Variants in AVEN observed in about 807,000 individuals in gnomAD.
The protein encoded by AVEN is cell death regulator Aven.
In AVEN, 41 loss-of-function variants were observed where a neutral mutation model predicts 38.1. The observed-to-expected ratio is 1.08, with a 90% confidence interval of 0.84 to 1.40. AVEN has a LOEUF of 1.40. AVEN is among the 40% of genes most tolerant of loss of function. The pLI is 0.00. For synonymous variants in AVEN, 206 were observed against 171.8 expected, an observed-to-expected ratio of 1.20 and a Z score of -1.56; for missense variants, 605 against 438.8, an observed-to-expected ratio of 1.38 and a Z score of -3.38.
downstream of AVEN, chr15:33,857,801 C>T: frequency 1.2e-6 from 2 of 1,614,104 alleles, no homozygotes; most frequent in Non-Finnish European, 1.7e-6. Context: ...TGTCGGTCTC[C>T]TGGCCGTGGT....
chr15:34,063,936 T>A lies in AVEN; in HGVS notation n.1127-504A>T, dbSNP rs1900438047. ...CAAGGTGAAAATCATGCCCTGCCCC[T>A]TCCCAGTGGCCAAGGAACCTTCAAC... On this transcript the variant is annotated intron_variant and non_coding_transcript_variant, in intron 4 of 11. Coordinates refer to the AVEN transcript ENST00000675287. The surrounding 1 kb of genome is among the most constrained non-coding windows in gnomAD (Gnocchi z 4.1). The A allele has an allele frequency of 1.2e-6, 2 of 1,614,118 alleles. No homozygotes were observed. The highest frequency in any genetic ancestry group is 1.7e-6 in the Non-Finnish European group (2 of 1,180,024).
downstream of AVEN, chr15:33,856,112 G>A (rs558443010): frequency 1.3e-5 from 2 of 152,306 alleles, no homozygotes; most frequent in South Asian, 2.1e-4. Flanking sequence ...GCAGCTAAAT[G>A]TCTCACCCAA....
At chr15:34,030,553 A>G (rs961733242) in intron 1 of AVEN, among the ~76,000 whole-genome samples, 45 of 151,876 alleles carry the variant, frequency 3.0e-4, no homozygotes, top group Admixed American at 3.9e-4. Context: ...TCATTGTGTT[A>G]GGCTGACCTT....
intron 2 of AVEN, among the ~76,000 whole-genome samples, chr15:33,955,111 T>TA (rs1338097160): frequency 2.6e-5 from 4 of 152,208 alleles, no homozygotes; most frequent in Non-Finnish European, 5.9e-5. Context: ...TTAATTTTTT[T>TA]AAAATGTAAT....
intron 3 of AVEN, among the ~76,000 whole-genome samples, chr15:33,872,017 G>A (rs1489896668): frequency 6.6e-6 from 1 of 152,212 alleles, no homozygotes; most frequent in African/African-American, 2.4e-5. Context: ...TCCCATGTCA[G>A]CCTGGTCAAC....
chr15:34,037,092 A>G (rs1245539992), intron 1 of AVEN, among the ~76,000 whole-genome samples: 1 of 148,568 alleles, frequency 6.7e-6, no homozygotes, highest in Admixed American at 6.6e-5. Flanking sequence ...CTGGGCAACA[A>G]GAGTAAAACT....
intron 2 of AVEN, among the ~76,000 whole-genome samples, chr15:33,886,054 T>G (rs898708443): frequency 1.3e-5 from 2 of 152,174 alleles, no homozygotes; most frequent in Non-Finnish European, 2.9e-5. Flanking sequence ...AGAACTGATC[T>G]GTAGTATAGT....
At chr15:33,916,500 A>G (rs1893143263) in intron 2 of AVEN, among the ~76,000 whole-genome samples, 2 of 152,196 alleles carry the variant, frequency 1.3e-5, no homozygotes, top group African/African-American at 4.8e-5. Context: ...GAAAAAAAAC[A>G]AAGAATCCCA....
Position 34,004,339 on chromosome 15 carries a change from A to T in AVEN, c.268-1130T>A, listed in dbSNP as rs534658938. Among the ~76,000 whole-genome samples the T allele has an allele frequency of 2.6e-5, 4 of 152,352 alleles. No individual in the cohort carries two copies. In the South Asian group the frequency reaches 8.3e-4, roughly 32 times the overall value. On this transcript the variant is annotated intron_variant, in intron 1 of 5. Transcript: ENST00000306730. Reference sequence around the variant, plus strand: ...TGCACAATGTGAACAATTCTAGAAGATAAGGAACCCAGTTTCTTCAATAAA... The same window carrying T: ...TGCACAATGTGAACAATTCTAGAAGTTAAGGAACCCAGTTTCTTCAATAAA...
In AVEN at chr15:33,938,820, C is replaced by G. The variant is rs144647324; in HGVS notation, c.446-62825G>C. Among the ~76,000 whole-genome samples the G allele has an allele frequency of 4.5e-3, 683 of 152,214 alleles. 6 individuals carry two copies. The highest frequency in any genetic ancestry group is 0.016 in the African/African-American group (658 of 41,550). On this transcript the variant is annotated intron_variant, in intron 2 of 5. Transcript: ENST00000306730. ...ACCAAACCGACAGGATCAGATACAC[C>G]TATTTCTTTCTTCCTTTTTTTTTGT...
chr15:34,007,063 G>A (rs972301609), intron 1 of AVEN: 7 of 984,406 alleles, frequency 7.1e-6, no homozygotes, highest in Non-Finnish European at 8.4e-6. Flanking sequence ...ATCGGTCACT[G>A]GTTGCATTGT....
intron 2 of AVEN, among the ~76,000 whole-genome samples, chr15:33,900,497 A>G (rs1892447676): frequency 6.6e-6 from 1 of 151,956 alleles, no homozygotes; most frequent in Non-Finnish European, 1.5e-5. Context: ...TTGTAGAGAC[A>G]TGGTTTTGCC....
In AVEN at chr15:33,994,999, C is replaced by T. The variant is rs1294755568; in HGVS notation, c.445+8033G>A. 2.0e-5 allele frequency among the ~76,000 whole-genome samples: 3 copies of T among 152,154 alleles called. No individual in the cohort carries two copies. In the East Asian group the frequency reaches 5.8e-4, roughly 29 times the overall value. On this transcript the variant is annotated intron_variant, in intron 2 of 5. Coordinates refer to ENST00000306730, the MANE Select transcript of AVEN (RefSeq NM_020371.3). ...AATACTGGCCAGGCACAGTGGCTCA[C>T]ACCTGTAATCTCAGCACTTTGGGAG...
chr15:33,941,341 A>T (rs1894312900), intron 2 of AVEN, among the ~76,000 whole-genome samples: 1 of 152,212 alleles, frequency 6.6e-6, no homozygotes, highest in African/African-American at 2.4e-5. Flanking sequence ...CATTCAAAGA[A>T]TCATTTATCT....
upstream of AVEN, among the ~76,000 whole-genome samples, chr15:34,043,029 C>T (rs8040776): frequency 2.6e-5 from 4 of 151,386 alleles, no homozygotes; most frequent in African/African-American, 9.7e-5. Context: ...GGGTGGATCA[C>T]GAGGTCAGGA....
intron 2 of AVEN, among the ~76,000 whole-genome samples, chr15:33,979,611 T>C (rs1317084587): frequency 6.6e-6 from 1 of 152,244 alleles, no homozygotes; most frequent in African/African-American, 2.4e-5. Flanking sequence ...TGAGCCTCGG[T>C]TTCCTCCTTT....
intron 1 of AVEN, among the ~76,000 whole-genome samples, chr15:34,010,114 T>C (rs959218967): frequency 3.3e-5 from 5 of 152,188 alleles, no homozygotes; most frequent in African/African-American, 1.2e-4. Flanking sequence ...CCCCTACCTT[T>C]AATATGGATT....
chr15:34,057,818 C>G (rs1333630246), intron 5 of AVEN, among the ~76,000 whole-genome samples: 3 of 152,170 alleles, frequency 2.0e-5, no homozygotes, highest in South Asian at 4.1e-4. Flanking sequence ...TAATGTCATA[C>G]AGCAAGTAAT....
intron 2 of AVEN, among the ~76,000 whole-genome samples, chr15:33,882,561 T>TTA (rs1891533866): frequency 6.7e-6 from 1 of 149,118 alleles, no homozygotes; most frequent in Non-Finnish European, 1.5e-5. Context: ...GCAAAAATGT[T>TTA]AAAAAAAAAA....
Sources: allele counts gnomAD v4.1 joint callset (sites outside exome capture counted in the v4.1 genomes callset), GRCh38; gene constraint gnomAD v4.1.1; non-coding constraint Gnocchi (gnomAD v3.1); transcripts MANE v1.5; gene names NCBI Gene and HGNC (gene_info 2026-07-23, HGNC 2026-07-21).